KANK1: variants seen among roughly 807,000 people sequenced by gnomAD.
KANK1 encodes the protein KN motif and ankyrin repeat domain-containing protein 1.
A neutral mutation model predicts 106.2 loss-of-function variants in KANK1; 109 were observed. That is an observed-to-expected ratio of 1.03 (90% confidence interval 0.88 to 1.20). KANK1 has a LOEUF of 1.20. Ranked by LOEUF, KANK1 falls within the 50% of genes most tolerant of loss-of-function variation. The probability of loss-of-function intolerance (pLI) is 0.00; values close to 1 mark genes in which losing one functional copy is unlikely to be tolerated. For missense variants in KANK1, 2,399 were observed against 1,710.7 expected (o/e 1.40, Z -7.10); for synonymous variants, 873 against 652.2 (o/e 1.34, Z -5.16).
chr9:568,951 A>G (rs1818500844), intron 1 of KANK1, among the ~76,000 whole-genome samples: 2 of 152,174 alleles, frequency 1.3e-5, no homozygotes, highest in South Asian at 2.1e-4. Flanking sequence ...TCATCGGGGT[A>G]TATTTGAGTA....
chr9:597,386 A>C (rs1198478156), intron 1 of KANK1, among the ~76,000 whole-genome samples: 2 of 149,234 alleles, frequency 1.3e-5, no homozygotes, highest in Non-Finnish European at 2.9e-5. Context: ...TTCCCTTTTT[A>C]AAAAAATTAT....
intron 1 of KANK1, among the ~76,000 whole-genome samples, chr9:639,856 A>C (rs1478397751): frequency 6.6e-6 from 1 of 152,156 alleles, no homozygotes; most frequent in African/African-American, 2.4e-5. Context: ...AGTGCCTTCT[A>C]TGTCCTTACA....
chr9:730,159 C>T lies in KANK1; in HGVS notation c.2807C>T (p.Pro936Leu). Reference protein sequence around the residue: ...EQEVGTSEGKPISSLDAFPTQ... With the variant: ...EQEVGTSEGKLISSLDAFPTQ... Reference sequence around the variant, plus strand: ...GAAGTGGGGACCTCAGAAGGAAAGCCAATCAGCAGCCTGGATGCCTTCCCC... The same window carrying T: ...GAAGTGGGGACCTCAGAAGGAAAGCTAATCAGCAGCCTGGATGCCTTCCCC... The change falls in exon 4 of 12, where the codon CCA becomes CTA. Residue 936 changes from proline to leucine, a missense_variant. By Grantham distance (98) the Pro-to-Leu change is moderately conservative (BLOSUM62 -3). Transcript: ENST00000382297. The T allele has an allele frequency of 6.2e-7, 1 of 1,614,164 alleles. No homozygotes were observed. The highest frequency in any genetic ancestry group is 1.3e-5 in the African/African-American group (1 of 75,022).
chr9:612,271 G>A (rs1233171232), intron 1 of KANK1, among the ~76,000 whole-genome samples: 1 of 152,110 alleles, frequency 6.6e-6, no homozygotes. Context: ...TTTGCAATCT[G>A]TGTTTTTTTA....
intron 2 of KANK1, chr9:684,722 T>A (rs1006495950): frequency 4.4e-5 from 14 of 317,132 alleles, no homozygotes; most frequent in Non-Finnish European, 5.9e-5. Context: ...TTTCAGTTCA[T>A]CTCCTTTGTG....
At chr9:576,164 C>G (rs1458994548) in intron 1 of KANK1, among the ~76,000 whole-genome samples, 1 of 152,164 alleles carries the variant, frequency 6.6e-6, no homozygotes, top group Non-Finnish European at 1.5e-5. Context: ...AGGTGGGAGT[C>G]TAGGAATCTG....
intron 1 of KANK1, among the ~76,000 whole-genome samples, chr9:664,640 A>C (rs1844149220): frequency 1.3e-5 from 2 of 152,314 alleles, no homozygotes; most frequent in South Asian, 4.1e-4. Context: ...TAAACATGCA[A>C]GTACAGATCT....
chr9:627,062 A>C (rs1263324067), intron 1 of KANK1, among the ~76,000 whole-genome samples: 1 of 151,924 alleles, frequency 6.6e-6, no homozygotes, highest in Non-Finnish European at 1.5e-5. Flanking sequence ...GGGGAAAAAA[A>C]GGTGGGGGTT....
chr9:715,034 T>G (rs1355412350), intron 3 of KANK1, among the ~76,000 whole-genome samples: 2 of 152,220 alleles, frequency 1.3e-5, no homozygotes, highest in African/African-American at 4.8e-5. Context: ...GGGGCAATGA[T>G]TAAAATAGAC....
chr9:638,125 A>G (rs1837570167), intron 1 of KANK1, among the ~76,000 whole-genome samples: 1 of 152,244 alleles, frequency 6.6e-6, no homozygotes, highest in African/African-American at 2.4e-5. Context: ...AGGATCCAGA[A>G]CTTCTTATCA....
At chr9:534,713 G>C (rs1434341182) in intron 1 of KANK1, among the ~76,000 whole-genome samples, 1 of 152,182 alleles carries the variant, frequency 6.6e-6, no homozygotes, top group Non-Finnish European at 1.5e-5. Context: ...GAGACAGAAA[G>C]GATCAGATGT....
At chr9:578,276 C>A (rs193053879) in intron 1 of KANK1, among the ~76,000 whole-genome samples, 1 of 151,918 alleles carries the variant, frequency 6.6e-6, no homozygotes, top group East Asian at 1.9e-4. Context: ...TATCTAGATA[C>A]CAAGTAAGGA....
chr9:551,146 C>A (rs2061256130), intron 1 of KANK1, among the ~76,000 whole-genome samples: 1 of 151,778 alleles, frequency 6.6e-6, no homozygotes, highest in Non-Finnish European at 1.5e-5. Flanking sequence ...ACCAGATTGT[C>A]ATAAGAAGCT....
intron 1 of KANK1, among the ~76,000 whole-genome samples, chr9:519,792 A>C (rs558541841): frequency 6.6e-6 from 1 of 151,772 alleles, no homozygotes; most frequent in Non-Finnish European, 1.5e-5. Flanking sequence ...ATTGTTCTCA[A>C]TAAGGTCTTC....
At chr9:645,574 A>T (rs1458725547) in intron 1 of KANK1, among the ~76,000 whole-genome samples, 1 of 150,374 alleles carries the variant, frequency 6.7e-6, no homozygotes, top group African/African-American at 2.5e-5. Context: ...TACATTAGGG[A>T]TTTCATTTTT....
intron 3 of KANK1, among the ~76,000 whole-genome samples, chr9:475,325 G>C (rs909909732): frequency 2.0e-5 from 3 of 152,190 alleles, no homozygotes; most frequent in Admixed American, 2.0e-4. Flanking sequence ...CATATGGACA[G>C]CCCACCCCAA....
Position 622,500 on chromosome 9 carries a change from G to C in KANK1, c.-83-54390G>C, listed in dbSNP as rs1833384142. ...TGCCAAGAATACGCAATGGGGGAAA[G>C]GACAGTCTCTTCGAAGAATACTGTT... On this transcript the variant is annotated intron_variant, in intron 1 of 11. Coordinates refer to ENST00000382297, the MANE Select transcript of KANK1 (RefSeq NM_015158.5). Among the ~76,000 whole-genome samples the C allele has an allele frequency of 2.0e-5, 3 of 152,260 alleles. 1 individual carries two copies. The highest frequency in any genetic ancestry group is 7.2e-5 in the African/African-American group (3 of 41,538).
intron 1 of KANK1, among the ~76,000 whole-genome samples, chr9:621,715 C>G (rs886858796): frequency 2.6e-5 from 4 of 152,116 alleles, no homozygotes; most frequent in African/African-American, 9.7e-5. Context: ...GCCCTCCCAT[C>G]TCGTAAGCAG....
At chr9:570,409 C>T (rs760292458) in intron 1 of KANK1, among the ~76,000 whole-genome samples, 6 of 152,020 alleles carry the variant, frequency 3.9e-5, no homozygotes, top group Admixed American at 1.3e-4. Flanking sequence ...TCCAGTGGGC[C>T]CAGCTGGGTG....
Sources: gnomAD v4.1 joint callset for allele counts (sites outside exome capture counted in the v4.1 genomes callset) on GRCh38, gnomAD v4.1.1 for gene constraint, MANE v1.5 for transcripts, NCBI Gene and HGNC (gene_info 2026-07-23, HGNC 2026-07-21) for gene names.